ARHGAP6: variants seen among roughly 807,000 people sequenced by gnomAD.
ARHGAP6 encodes the protein rho GTPase-activating protein 6.
A neutral mutation model predicts 55.7 loss-of-function variants in ARHGAP6; 16 were observed. The ratio of observed to expected loss-of-function variants is 0.29; its 90% CI spans 0.19 to 0.44. ARHGAP6 has a LOEUF of 0.44. Among genes scored for constraint, ARHGAP6 ranks in the 20% least tolerant of loss-of-function variants. The pLI is 1.00. For missense variants in ARHGAP6, 698 were observed against 808.9 expected, an observed-to-expected ratio of 0.86 and a Z score of 1.66; for synonymous variants, 382 against 360.9, an observed-to-expected ratio of 1.06 and a Z score of -0.66.
chrX:11,266,649 T>TTCCAATCGC, intron 1 of ARHGAP6, among the ~76,000 whole-genome samples: 1 of 111,172 alleles, frequency 9.0e-6, no homozygotes, highest in Admixed American at 9.6e-5. Flanking sequence ...GGAAGATTAA[T>TTCCAATCGC]TCCAATCGCG....
At chrX:11,227,392 G>A (rs759385800) in intron 2 of ARHGAP6, among the ~76,000 whole-genome samples, 3 of 111,797 alleles carry the variant, frequency 2.7e-5, no homozygotes, top group South Asian at 3.7e-4. Context: ...CACGTTTACC[G>A]CTGTAATGGT....
intron 1 of ARHGAP6, among the ~76,000 whole-genome samples, chrX:11,264,275 C>T (rs2047596998): frequency 9.0e-6 from 1 of 111,340 alleles, no homozygotes; most frequent in Non-Finnish European, 1.9e-5. Flanking sequence ...TATGCAAATG[C>T]TAGCATGAAA....
At chrX:11,588,880 T>C (rs1291358985) in intron 1 of ARHGAP6, among the ~76,000 whole-genome samples, 1 of 111,440 alleles carries the variant, frequency 9.0e-6, no homozygotes, top group Non-Finnish European at 1.9e-5. Flanking sequence ...TATACTCAAA[T>C]CCCCTGAATT....
chrX:11,406,484 A>C (rs1429074022), intron 1 of ARHGAP6, among the ~76,000 whole-genome samples: 2 of 110,994 alleles, frequency 1.8e-5, no homozygotes, highest in Non-Finnish European at 3.8e-5. Context: ...ACACACACAC[A>C]CCCCACACAC....
intron 1 of ARHGAP6, among the ~76,000 whole-genome samples, chrX:11,470,463 T>C (rs2050336874): frequency 8.9e-6 from 1 of 112,445 alleles, no homozygotes; most frequent in Admixed American, 9.4e-5. Flanking sequence ...AACACTCCAT[T>C]TGCCTGATCT....
chrX:11,321,967 A>T (rs1054943746), intron 1 of ARHGAP6, among the ~76,000 whole-genome samples: 1 of 112,325 alleles, frequency 8.9e-6, no homozygotes, highest in Non-Finnish European at 1.9e-5. Context: ...AATAAGATAA[A>T]ATGACAATTA....
intron 2 of ARHGAP6, among the ~76,000 whole-genome samples, chrX:11,212,665 G>C (rs943179887): frequency 8.9e-6 from 1 of 111,764 alleles, no homozygotes; most frequent in African/African-American, 3.3e-5. Flanking sequence ...AACTAAATTC[G>C]TGACTCACCT....
intron 11 of ARHGAP6, 181 bp from the exon 12 acceptor site, chrX:11,142,494 C>T (rs2045633586): frequency 4.3e-6 from 1 of 231,477 alleles, no homozygotes; most frequent in African/African-American, 2.8e-5. Flanking sequence ...ACAAAAAGGC[C>T]CTTTCTATAT....
intron 2 of ARHGAP6, among the ~76,000 whole-genome samples, chrX:11,197,485 G>A (rs1164707982): frequency 8.9e-6 from 1 of 111,833 alleles, no homozygotes; most frequent in Non-Finnish European, 1.9e-5. Flanking sequence ...TGTGACTTTG[G>A]ACAAGTCTTT....
At chrX:11,575,533 C>T (rs1376684852) in intron 1 of ARHGAP6, among the ~76,000 whole-genome samples, 1 of 111,256 alleles carries the variant, frequency 9.0e-6, no homozygotes, top group Non-Finnish European at 1.9e-5. Flanking sequence ...ACAGGTGACT[C>T]ATATCATGTG....
intron 1 of ARHGAP6, among the ~76,000 whole-genome samples, chrX:11,591,696 G>T (rs1413362404): frequency 8.9e-6 from 1 of 111,983 alleles, no homozygotes; most frequent in African/African-American, 3.2e-5. Flanking sequence ...GGCTAGGGTG[G>T]AGGAAAATGA....
At chrX:11,532,448 T>A (rs2051060460) in intron 1 of ARHGAP6, among the ~76,000 whole-genome samples, 2 of 112,456 alleles carry the variant, frequency 1.8e-5, no homozygotes, top group Non-Finnish European at 3.8e-5. Flanking sequence ...TCTGTGATCA[T>A]GTGACTGTGT....
At chrX:11,459,812 C>T (rs1234944257) in intron 1 of ARHGAP6, among the ~76,000 whole-genome samples, 2 of 111,575 alleles carry the variant, frequency 1.8e-5, no homozygotes, top group Non-Finnish European at 3.8e-5. Context: ...TCTTAACTCC[C>T]TTACTTTTCC....
Position 11,267,848 on chromosome X carries a change from C to T in ARHGAP6, c.589-13141G>A, listed in dbSNP as rs746644584. ...ATGCATTCAAACCAGAAAAACAAAACATAAAGATAAGGAATCCTTTTTAAG... is the reference window on the plus strand; with the variant it reads ...ATGCATTCAAACCAGAAAAACAAAATATAAAGATAAGGAATCCTTTTTAAG... On this transcript the variant is annotated intron_variant, in intron 1 of 12. Transcript: ENST00000337414. 2.7e-5 allele frequency among the ~76,000 whole-genome samples: 3 copies of T among 112,041 alleles called. No individual in the cohort carries two copies. In the South Asian group the frequency reaches 1.1e-3, roughly 41 times the overall value.
chrX:11,176,277 A>G (rs2046216973), intron 8 of ARHGAP6, among the ~76,000 whole-genome samples: 3 of 67,849 alleles, frequency 4.4e-5, no homozygotes, highest in Admixed American at 2.2e-4. Context: ...GCATATATTT[A>G]TATATTTATA....
chrX:11,369,383 G>A (rs1218561692), intron 1 of ARHGAP6, among the ~76,000 whole-genome samples: 7 of 110,947 alleles, frequency 6.3e-5, no homozygotes, highest in Non-Finnish European at 1.3e-4. Flanking sequence ...ATACTGTTGG[G>A]CTGAGGACAG....
chrX:11,269,228 C>A (rs763429370), intron 1 of ARHGAP6, among the ~76,000 whole-genome samples: 2 of 111,452 alleles, frequency 1.8e-5, no homozygotes, highest in Non-Finnish European at 3.8e-5. Flanking sequence ...GGAGCCCTTG[C>A]GCTTGAAACT....
intron 1 of ARHGAP6, chrX:11,367,711 A>G: frequency 8.6e-6 from 5 of 582,736 alleles, no homozygotes; most frequent in Non-Finnish European, 8.3e-6. Flanking sequence ...GAAGTGACAG[A>G]TCTTGTGCTT....
intron 1 of ARHGAP6, among the ~76,000 whole-genome samples, chrX:11,285,360 A>C (rs763814524): frequency 9.0e-6 from 1 of 111,576 alleles, no homozygotes; most frequent in Non-Finnish European, 1.9e-5. Context: ...TTTAAAATAA[A>C]TGTAAGTCAG....
Sources: allele counts gnomAD v4.1 joint callset (sites outside exome capture counted in the v4.1 genomes callset), GRCh38; gene constraint gnomAD v4.1.1; transcripts MANE v1.5; gene names NCBI Gene and HGNC (gene_info 2026-07-23, HGNC 2026-07-21).